Variants in PDSS2 observed in about 807,000 individuals in gnomAD.
PDSS2 encodes the protein decaprenyl diphosphate synthase subunit 2.
A neutral mutation model predicts 44.5 loss-of-function variants in PDSS2; 31 were observed. The ratio of observed to expected loss-of-function variants is 0.70; its 90% confidence interval spans 0.52 to 0.94. The LOEUF (loss-of-function observed/expected upper bound fraction) is 0.94. Ranked by LOEUF, PDSS2 falls within the 40% of genes least tolerant of loss-of-function variation. The pLI is 0.00. For missense variants in PDSS2, 452 were observed against 482.2 expected, an observed-to-expected ratio of 0.94 and a Z score of 0.59; for synonymous variants, 157 against 180.3, an observed-to-expected ratio of 0.87 and a Z score of 1.03.
chr6:107,175,711 C>A (rs924832371), intron 7 of PDSS2, among the ~76,000 whole-genome samples: 35 of 152,110 alleles, frequency 2.3e-4, no homozygotes, highest in African/African-American at 8.2e-4. Context: ...GGTTGTAGAA[C>A]AAATGTCAGT....
intron 7 of PDSS2, among the ~76,000 whole-genome samples, chr6:107,164,167 A>ATT (rs111592512): frequency 0.034 from 4,682 of 136,442 alleles, 253 homozygotes; most frequent in African/African-American, 0.13. Context: ...ACTTAAAAAA[A>ATT]ATTTTTTTTT....
chr6:107,248,742 T>C (rs1239079945), intron 3 of PDSS2, among the ~76,000 whole-genome samples: 2 of 152,228 alleles, frequency 1.3e-5, no homozygotes, highest in Non-Finnish European at 2.9e-5. Context: ...GCAAGTCTTA[T>C]TATTTATAAT....
Position 107,213,314 on chromosome 6 carries a change from T to A in PDSS2, c.703-1032A>T, listed in dbSNP as rs1249950120. On this transcript the variant is annotated intron_variant, in intron 4 of 7. Transcript: ENST00000369037. The stretch of plus-strand genomic sequence containing the variant: ...GCATAAGCCACCACACCCAGATAAT[T>A]TTTTTTTTTTTTTTTAATAGAGATG... Among the ~76,000 whole-genome samples, 12 of 10,072 alleles carry A rather than the reference T, an allele frequency of 1.2e-3. No individual in the cohort carries two copies. In the African/African-American group the frequency reaches 0.015, roughly 12 times the overall value. The allele number at this position is 10,072 out of a possible 152,430, so 6.6% of individuals were successfully genotyped here.
chr6:107,240,054 G>GT (rs371873066), intron 4 of PDSS2, among the ~76,000 whole-genome samples: 14 of 152,256 alleles, frequency 9.2e-5, no homozygotes, highest in African/African-American at 3.1e-4. Context: ...AGTGAGTACA[G>GT]TAAGTAACAT....
chr6:107,231,137 C>T (rs188293849), intron 4 of PDSS2, among the ~76,000 whole-genome samples: 33 of 152,306 alleles, frequency 2.2e-4, no homozygotes, highest in Non-Finnish European at 4.3e-4. Flanking sequence ...AGAAATGCTA[C>T]TTTCTGCAAA....
chr6:107,400,871 T>C (rs1282869884), intron 1 of PDSS2, among the ~76,000 whole-genome samples: 4 of 152,180 alleles, frequency 2.6e-5, no homozygotes, highest in East Asian at 3.9e-4. Context: ...AGACAGACCA[T>C]AGGTTATGGT....
intron 1 of PDSS2, among the ~76,000 whole-genome samples, chr6:107,362,283 G>A (rs372521958): frequency 6.6e-6 from 1 of 152,132 alleles, no homozygotes. Flanking sequence ...AAAACCCAGA[G>A]CAGCCTGAAG....
At chr6:107,410,476 TTTTG>T (rs66478137) in intron 1 of PDSS2, among the ~76,000 whole-genome samples, 138,560 of 151,230 alleles carry the variant, frequency 0.92, 63,725 homozygotes, top group African/African-American at 0.98. Context: ...CTACGCTGTT[TTTTG>T]TTTGTTTGTT....
chr6:107,226,379 C>T (rs983922878), intron 4 of PDSS2, among the ~76,000 whole-genome samples: 1 of 152,102 alleles, frequency 6.6e-6, no homozygotes, highest in Non-Finnish European at 1.5e-5. Flanking sequence ...CTTCTATGAC[C>T]ACATGGAATA....
chr6:107,165,598 T>C (rs1771314521), intron 7 of PDSS2, among the ~76,000 whole-genome samples: 1 of 152,212 alleles, frequency 6.6e-6, no homozygotes, highest in Non-Finnish European at 1.5e-5. Flanking sequence ...TCAGGTAGCA[T>C]GATGCCTCCA....
intron 2 of PDSS2, among the ~76,000 whole-genome samples, chr6:107,316,540 T>C (rs1236396115): frequency 6.6e-6 from 1 of 152,146 alleles, no homozygotes; most frequent in Non-Finnish European, 1.5e-5. Context: ...AATGGATTGT[T>C]AGGTGGTTTT....
At chr6:107,418,656 T>A (rs1471796052) in intron 1 of PDSS2, among the ~76,000 whole-genome samples, 2 of 152,072 alleles carry the variant, frequency 1.3e-5, no homozygotes, top group African/African-American at 4.8e-5. Flanking sequence ...GCACCTGTAG[T>A]CCCAGCTACT....
At chr6:107,379,901 A>G (rs1369877076) in intron 1 of PDSS2, among the ~76,000 whole-genome samples, 1 of 152,060 alleles carries the variant, frequency 6.6e-6, no homozygotes, top group African/African-American at 2.4e-5. Flanking sequence ...TGGTCTCAAC[A>G]TATTATATAT....
At chr6:107,458,412 CAAAAAAAAA>C (rs60758453) in intron 1 of PDSS2, among the ~76,000 whole-genome samples, 4 of 78,158 alleles carry the variant, frequency 5.1e-5, no homozygotes, top group East Asian at 5.0e-4. Flanking sequence ...GACTCCGTCT[CAAAAAAAAA>C]AAAAAAAAAA....
At chr6:107,195,481 CAAA>C (rs762125818) in intron 6 of PDSS2, among the ~76,000 whole-genome samples, 8 of 87,846 alleles carry the variant, frequency 9.1e-5, no homozygotes, top group African/African-American at 8.4e-5. Flanking sequence ...GATCCTGTCT[CAAA>C]AAAAAAAAAA....
At chr6:107,381,147 T>C (rs1779442450) in intron 1 of PDSS2, among the ~76,000 whole-genome samples, 2 of 152,242 alleles carry the variant, frequency 1.3e-5, no homozygotes, top group South Asian at 4.1e-4. Flanking sequence ...TAAAACACCA[T>C]ACGGCACATA....
chr6:107,229,322 G>C (rs1773953178), intron 4 of PDSS2, among the ~76,000 whole-genome samples: 1 of 152,030 alleles, frequency 6.6e-6, no homozygotes, highest in Non-Finnish European at 1.5e-5. Flanking sequence ...GAGTAGCTGG[G>C]GTTACAGGCG....
intron 7 of PDSS2, among the ~76,000 whole-genome samples, chr6:107,157,648 T>C (rs1000491869): frequency 3.3e-5 from 5 of 151,488 alleles, no homozygotes; most frequent in African/African-American, 9.7e-5. Context: ...CCTGTGCACA[T>C]CTGGAGTAGT....
At chr6:107,264,081 T>C in intron 3 of PDSS2, 1 of 201,800 alleles carries the variant, frequency 5.0e-6, no homozygotes, top group Non-Finnish European at 9.3e-6. Context: ...TAATAATGCC[T>C]ATTTTAAATG....
Sources: gnomAD v4.1 joint callset for allele counts (sites outside exome capture counted in the v4.1 genomes callset) on GRCh38, gnomAD v4.1.1 for gene constraint, MANE v1.5 for transcripts, NCBI Gene and HGNC (gene_info 2026-07-23, HGNC 2026-07-21) for gene names.